SLC8A1: variants seen among roughly 807,000 people sequenced by gnomAD.
The protein encoded by SLC8A1 is solute carrier family 8 member A1.
In SLC8A1, 18 loss-of-function variants were observed where a neutral mutation model predicts 68.3. That is an observed-to-expected ratio of 0.26 (90% CI 0.18 to 0.39). SLC8A1 has a LOEUF of 0.39. Ranked by LOEUF, SLC8A1 falls within the 10% of genes least tolerant of loss-of-function variation. The pLI is 1.00. For synonymous variants in SLC8A1, 475 were observed against 415.5 expected (o/e 1.14, Z -1.74); for missense variants, 985 against 1,156.7 (o/e 0.85, Z 2.15).
At chr2:40,406,653 C>A (rs1465688003) in intron 2 of SLC8A1, among the ~76,000 whole-genome samples, 1 of 152,116 alleles carries the variant, frequency 6.6e-6, no homozygotes, top group Admixed American at 6.6e-5. Context: ...GCTGTGGGAA[C>A]CCAAGGCCCT....
At chr2:40,470,377 T>C (rs1459938379) in intron 1 of SLC8A1, among the ~76,000 whole-genome samples, 1 of 151,962 alleles carries the variant, frequency 6.6e-6, no homozygotes, top group Non-Finnish European at 1.5e-5. Context: ...TATGCACAAA[T>C]ATAAAGGCAA....
At chr2:40,425,279 G>C (rs1440774104) in intron 2 of SLC8A1, among the ~76,000 whole-genome samples, 3 of 151,748 alleles carry the variant, frequency 2.0e-5, no homozygotes. Context: ...ATTTATGTGA[G>C]AATATGAATA....
At chr2:40,466,616 C>T (rs941594843) in intron 1 of SLC8A1, among the ~76,000 whole-genome samples, 3 of 152,136 alleles carry the variant, frequency 2.0e-5, no homozygotes, top group African/African-American at 7.2e-5. Context: ...TTACGAGGAT[C>T]TTGTAGTGCA....
chr2:40,249,490 A>T (rs1457186733), intron 2 of SLC8A1, among the ~76,000 whole-genome samples: 2 of 152,170 alleles, frequency 1.3e-5, no homozygotes, highest in Non-Finnish European at 2.9e-5. Flanking sequence ...TTAGTGCTTA[A>T]ATGGGTGGAG....
At chr2:40,418,071 C>T (rs1244038194) in intron 2 of SLC8A1, among the ~76,000 whole-genome samples, 1 of 152,116 alleles carries the variant, frequency 6.6e-6, no homozygotes, top group Non-Finnish European at 1.5e-5. Context: ...CTATAGAAGT[C>T]ATGAAATATT....
At chr2:40,110,467 T>C (rs563444038) in exon 8 of SLC8A1, 2 of 152,330 alleles carry the variant, frequency 1.3e-5, no homozygotes, top group African/African-American at 2.4e-5. Flanking sequence ...AATCCACTTA[T>C]AATAGCATGT....
At chr2:40,485,083 C>A (rs1429570162) in intron 1 of SLC8A1, among the ~76,000 whole-genome samples, 1 of 151,998 alleles carries the variant, frequency 6.6e-6, no homozygotes, top group Non-Finnish European at 1.5e-5. Context: ...TTTCCCTTCC[C>A]CAGCCACATT....
chr2:40,485,942 G>A (rs1185413121), intron 1 of SLC8A1, among the ~76,000 whole-genome samples: 1 of 152,146 alleles, frequency 6.6e-6, no homozygotes, highest in Non-Finnish European at 1.5e-5. Flanking sequence ...TTATTAAAAT[G>A]ATGTGATATG....
intron 2 of SLC8A1, among the ~76,000 whole-genome samples, chr2:40,200,800 C>G (rs999749826): frequency 1.3e-4 from 20 of 151,812 alleles, no homozygotes; most frequent in African/African-American, 4.4e-4. Flanking sequence ...CCTTAATTGA[C>G]TTCATGCTTC....
At chr2:40,446,362 A>G (rs540154163) in intron 1 of SLC8A1, 1 of 152,328 alleles carries the variant, frequency 6.6e-6, no homozygotes, top group African/African-American at 2.4e-5. Context: ...TGACTGGGAC[A>G]CAGAACGGAA....
intron 2 of SLC8A1, among the ~76,000 whole-genome samples, chr2:40,309,988 C>G (rs1019772036): frequency 1.3e-5 from 2 of 152,256 alleles, no homozygotes; most frequent in Admixed American, 1.3e-4. Flanking sequence ...GCTTTCCCTT[C>G]CCCTCAGCCC....
intron 2 of SLC8A1, among the ~76,000 whole-genome samples, chr2:40,273,594 G>A (rs979097820): frequency 1.3e-5 from 2 of 152,188 alleles, no homozygotes; most frequent in African/African-American, 4.8e-5. Flanking sequence ...GGATGTCCAA[G>A]ATTAGATGCT....
chr2:40,396,354 T>C (rs1434084915), intron 2 of SLC8A1, among the ~76,000 whole-genome samples: 1 of 152,134 alleles, frequency 6.6e-6, no homozygotes, highest in African/African-American at 2.4e-5. Flanking sequence ...CATGAATCTC[T>C]ACGGTTACAT....
At chr2:40,107,296 A>AAAAAAAAAAAAAAAAG (rs1558384318) in exon 8 of SLC8A1, 1 of 135,248 alleles carries the variant, frequency 7.4e-6, no homozygotes, top group African/African-American at 2.5e-5. Flanking sequence ...AAAAAAAAAA[A>AAAAAAAAAAAAAAAAG]AAAGAAAATG....
intron 7 of SLC8A1, among the ~76,000 whole-genome samples, chr2:40,117,894 T>TA (rs1473263080): frequency 1.3e-5 from 2 of 152,158 alleles, no homozygotes; most frequent in Admixed American, 6.5e-5. Flanking sequence ...TTACAATGGA[T>TA]AAGAAGGCTT....
At chr2:40,456,085 G>A (rs1191501935), upstream of SLC8A1, among the ~76,000 whole-genome samples, 2 of 152,232 alleles carry the variant, frequency 1.3e-5, no homozygotes, top group African/African-American at 4.8e-5. Flanking sequence ...GGGAGGTTGA[G>A]GCGGGTGGAT....
chr2:40,495,916 C>T (rs969450699), intron 1 of SLC8A1, among the ~76,000 whole-genome samples: 2 of 151,914 alleles, frequency 1.3e-5, no homozygotes, highest in Non-Finnish European at 2.9e-5. Context: ...TGGTAGATGC[C>T]AGAAATTATG....
At position 40,430,306 on chromosome 2, in the gene SLC8A1, T is replaced by A. The variant is rs371410310; in HGVS notation, c.-24-2A>T. On this transcript the variant is annotated splice_acceptor_variant, in intron 1 of 7. Transcript: ENST00000406785. LOFTEE classifies it low-confidence loss of function (5UTR_SPLICE). ...GACACTTCCAACTGTCACAACCTAC[T>A]GGTAAAAATAAGATGGGGGAGAGGG... 209 of 1,576,458 alleles carry A rather than the reference T, an allele frequency of 1.3e-4. No homozygotes were observed. Among genetic ancestry groups the A allele is most frequent in the Non-Finnish European group, 1.7e-4 (199 of 1,162,824 alleles).
intron 1 of SLC8A1, among the ~76,000 whole-genome samples, chr2:40,501,630 G>T (rs1000794233): frequency 2.0e-5 from 3 of 152,052 alleles, no homozygotes; most frequent in Non-Finnish European, 2.9e-5. Flanking sequence ...CATTCTCCTG[G>T]TCGGATAGGG....
Sources: gnomAD v4.1 joint callset for allele counts (sites outside exome capture counted in the v4.1 genomes callset) on GRCh38, gnomAD v4.1.1 for gene constraint, MANE v1.5 for transcripts, NCBI Gene and HGNC (gene_info 2026-07-23, HGNC 2026-07-21) for gene names.